The following RBFOX1 variants were observed in gnomAD, a reference collection of about 807,000 sequenced individuals.
RBFOX1 encodes the protein RNA binding protein fox-1 homolog 1.
A neutral mutation model predicts 57.7 loss-of-function variants in RBFOX1; 8 were observed. That is an observed-to-expected ratio of 0.14 (90% CI 0.08 to 0.25). The LOEUF is 0.25. Among genes scored for constraint, RBFOX1 ranks in the 10% least tolerant of loss-of-function variants. The pLI is 1.00. For missense variants in RBFOX1, 611 were observed against 548.5 expected (o/e 1.11, Z -1.14); for synonymous variants, 326 against 222.4 (o/e 1.47, Z -4.15).
At chr16:7,592,584 C>A (rs1348063407) in intron 7 of RBFOX1, among the ~76,000 whole-genome samples, 1 of 152,120 alleles carries the variant, frequency 6.6e-6, no homozygotes, top group Non-Finnish European at 1.5e-5. Flanking sequence ...ATTTTCTTTT[C>A]TTGCCGGGAG....
At chr16:7,210,112 A>C (rs571669293) in intron 4 of RBFOX1, among the ~76,000 whole-genome samples, 1 of 152,162 alleles carries the variant, frequency 6.6e-6, no homozygotes, top group African/African-American at 2.4e-5. Context: ...TTGCTTGTCA[A>C]CCTGCCCTGC....
chr16:5,981,861 G>T (rs1244289381), intron 4 of RBFOX1, among the ~76,000 whole-genome samples: 1 of 152,230 alleles, frequency 6.6e-6, no homozygotes, highest in East Asian at 1.9e-4. Flanking sequence ...CAGAATAGGG[G>T]AGCTGCTACT....
chr16:6,856,786 T>A (rs1364320538), intron 3 of RBFOX1, among the ~76,000 whole-genome samples: 2 of 152,178 alleles, frequency 1.3e-5, no homozygotes, highest in Non-Finnish European at 2.9e-5. Context: ...ACTAAGGAGA[T>A]GTGTGTAACA....
chr16:6,172,445 C>G (rs1222698757), intron 1 of RBFOX1, among the ~76,000 whole-genome samples: 1 of 152,154 alleles, frequency 6.6e-6, no homozygotes, highest in Non-Finnish European at 1.5e-5. Flanking sequence ...GAGAGCAGAA[C>G]CATCACTTCC....
At chr16:7,283,208 G>A (rs1452036701) in intron 4 of RBFOX1, among the ~76,000 whole-genome samples, 3 of 151,830 alleles carry the variant, frequency 2.0e-5, no homozygotes, top group Non-Finnish European at 4.4e-5. Flanking sequence ...TAAGCATTTT[G>A]ACTTTGTGTG....
chr16:7,653,021 G>A (rs77981292), intron 11 of RBFOX1, among the ~76,000 whole-genome samples: 3,748 of 152,240 alleles, frequency 0.025, 76 homozygotes, highest in African/African-American at 0.043. Flanking sequence ...AAAGTTGTGT[G>A]TATGTGTATA....
chr16:6,251,112 C>G (rs1186022392), intron 1 of RBFOX1, among the ~76,000 whole-genome samples: 2 of 152,220 alleles, frequency 1.3e-5, no homozygotes, highest in East Asian at 1.9e-4. Context: ...GTGTTCAGCT[C>G]TTAATCTTAA....
chr16:6,924,997 T>A (rs1401883107), intron 3 of RBFOX1, among the ~76,000 whole-genome samples: 4 of 151,540 alleles, frequency 2.6e-5, no homozygotes, highest in Non-Finnish European at 5.9e-5. Flanking sequence ...TTCATCCATG[T>A]CCGTACAAAG....
At chr16:7,108,196 C>G (rs1213667275) in intron 4 of RBFOX1, among the ~76,000 whole-genome samples, 1 of 152,080 alleles carries the variant, frequency 6.6e-6, no homozygotes, top group Non-Finnish European at 1.5e-5. Context: ...TCAGAACAGT[C>G]TCTGGGTCAT....
chr16:6,126,054 A>G (rs1469937296), intron 1 of RBFOX1, among the ~76,000 whole-genome samples: 6 of 152,332 alleles, frequency 3.9e-5, no homozygotes, highest in African/African-American at 1.4e-4. Flanking sequence ...ATGACAAATG[A>G]GAAAAGAATT....
intron 2 of RBFOX1, among the ~76,000 whole-genome samples, chr16:6,509,445 C>G (rs988398674): frequency 2.0e-5 from 3 of 152,112 alleles, no homozygotes; most frequent in Non-Finnish European, 4.4e-5. Context: ...GAAAGAGGAA[C>G]TTTGCATGTT....
intron 3 of RBFOX1, among the ~76,000 whole-genome samples, chr16:5,712,977 TGTA>T (rs35801209): frequency 0.71 from 108,174 of 151,694 alleles, 39,519 homozygotes; most frequent in Non-Finnish European, 0.81. Flanking sequence ...AGGACATCCT[TGTA>T]GTAGTACATG....
At chr16:6,332,130 A>G (rs1279265344) in intron 2 of RBFOX1, among the ~76,000 whole-genome samples, 3 of 152,234 alleles carry the variant, frequency 2.0e-5, no homozygotes, top group Admixed American at 6.5e-5. Context: ...AAGTGCTAAT[A>G]TGTGGATGCC....
At chr16:5,791,987 G>A (rs1323366895) in intron 3 of RBFOX1, among the ~76,000 whole-genome samples, 1 of 152,136 alleles carries the variant, frequency 6.6e-6, no homozygotes, top group Non-Finnish European at 1.5e-5. Flanking sequence ...CAGAGACTTT[G>A]AGGATGACTT....
chr16:7,190,462 C>T (rs1032397810), intron 4 of RBFOX1, among the ~76,000 whole-genome samples: 2 of 152,132 alleles, frequency 1.3e-5, no homozygotes, highest in Admixed American at 6.5e-5. Flanking sequence ...CCACAAATTC[C>T]CAACAGGTAT....
chr16:6,684,995 TG>T (rs1415340664), intron 3 of RBFOX1, among the ~76,000 whole-genome samples: 6 of 152,066 alleles, frequency 3.9e-5, no homozygotes, highest in Non-Finnish European at 8.8e-5. Flanking sequence ...TTTTACAAAA[TG>T]GGAAAATGGG....
intron 1 of RBFOX1, among the ~76,000 whole-genome samples, chr16:5,319,010 C>G (rs1486578692): frequency 6.6e-6 from 1 of 152,078 alleles, no homozygotes; most frequent in Non-Finnish European, 1.5e-5. Flanking sequence ...GCCTGTAGTC[C>G]CAGCTACTTG....
At chr16:6,578,612 T>TGTGTGTGTGTGTGG (rs373655762) in intron 2 of RBFOX1, among the ~76,000 whole-genome samples, 61 of 147,116 alleles carry the variant, frequency 4.1e-4, no homozygotes, top group South Asian at 3.1e-3. Context: ...TGTGTGTGTG[T>TGTGTGTGTGTGTGG]GAGCATGGGA....
At chr16:5,617,500 T>C (rs2048069879) in intron 3 of RBFOX1, among the ~76,000 whole-genome samples, 1 of 152,202 alleles carries the variant, frequency 6.6e-6, no homozygotes, top group Admixed American at 6.5e-5. Context: ...GTTCCCCTCC[T>C]TTAAGGGTGT....
Sources: gnomAD v4.1 joint callset for allele counts (sites outside exome capture counted in the v4.1 genomes callset) on GRCh38, gnomAD v4.1.1 for gene constraint, MANE v1.5 for transcripts, NCBI Gene and HGNC (gene_info 2026-07-23, HGNC 2026-07-21) for gene names.